The following COMMD1 variants were observed in gnomAD, a reference collection of about 807,000 sequenced individuals.
COMMD1 encodes the protein COMM domain-containing protein 1.
In COMMD1, 10 loss-of-function variants were observed where a neutral mutation model predicts 17.2. The observed-to-expected ratio is 0.58, with a 90% CI of 0.36 to 0.99. The LOEUF is 0.99. COMMD1 is among the 50% of genes least tolerant of loss of function. COMMD1 has a pLI of 0.01. For missense variants in COMMD1, 270 were observed against 231.8 expected (o/e 1.17, Z -1.07); for synonymous variants, 97 against 91.6 (o/e 1.06, Z -0.34).
At chr2:61,953,297 G>A (rs1572996918) in intron 1 of COMMD1, among the ~76,000 whole-genome samples, 1 of 152,000 alleles carries the variant, frequency 6.6e-6, no homozygotes, top group Admixed American at 6.6e-5. Flanking sequence ...ACAGGTGTGA[G>A]CCACCATACC....
chr2:62,051,483 T>G (rs1227318410), intron 2 of COMMD1, among the ~76,000 whole-genome samples: 2 of 152,230 alleles, frequency 1.3e-5, no homozygotes, highest in Non-Finnish European at 2.9e-5. Context: ...GAAAGGTCAG[T>G]GACTGATGAC....
intron 1 of COMMD1, among the ~76,000 whole-genome samples, chr2:61,925,935 G>A (rs535345526): frequency 6.6e-6 from 1 of 152,108 alleles, no homozygotes; most frequent in South Asian, 2.1e-4. Flanking sequence ...AATGCCAATT[G>A]CAGAGTTAGT....
intron 1 of COMMD1, among the ~76,000 whole-genome samples, chr2:61,982,810 T>G (rs922623193): frequency 1.3e-5 from 2 of 152,230 alleles, no homozygotes; most frequent in African/African-American, 2.4e-5. Flanking sequence ...TCTGTTGATG[T>G]GATGTTTCAC....
chr2:61,909,665 T>C (rs1669856259), intron 1 of COMMD1, among the ~76,000 whole-genome samples: 1 of 152,190 alleles, frequency 6.6e-6, no homozygotes, highest in South Asian at 2.1e-4. Context: ...AGGATGTACA[T>C]TTTTCATATA....
chr2:62,056,891 A>G (rs1400782384), intron 2 of COMMD1, among the ~76,000 whole-genome samples: 1 of 152,204 alleles, frequency 6.6e-6, no homozygotes, highest in Non-Finnish European at 1.5e-5. Flanking sequence ...TCAAATCTCC[A>G]TACATTCTGG....
At chr2:61,937,666 G>A (rs1670638478) in intron 1 of COMMD1, among the ~76,000 whole-genome samples, 1 of 152,166 alleles carries the variant, frequency 6.6e-6, no homozygotes, top group Non-Finnish European at 1.5e-5. Flanking sequence ...GCTACGCATT[G>A]AGCCATAGCT....
chr2:61,927,389 TTTTG>T (rs762507138), intron 1 of COMMD1, among the ~76,000 whole-genome samples: 8 of 152,230 alleles, frequency 5.3e-5, no homozygotes, highest in Middle Eastern at 3.4e-3. Flanking sequence ...TGACTCCATT[TTTTG>T]TTTGTTTGTT....
chr2:62,056,318 C>T (rs564273905), intron 2 of COMMD1, among the ~76,000 whole-genome samples: 2 of 152,330 alleles, frequency 1.3e-5, no homozygotes, highest in African/African-American at 4.8e-5. Flanking sequence ...AGAGCACACA[C>T]ATCTTCTCTT....
intron 2 of COMMD1, among the ~76,000 whole-genome samples, chr2:62,029,920 AT>A (rs1471888403): frequency 6.6e-6 from 1 of 152,258 alleles, no homozygotes; most frequent in African/African-American, 2.4e-5. Flanking sequence ...AGGCATACAC[AT>A]TTGTTTAACG....
intron 2 of COMMD1, among the ~76,000 whole-genome samples, chr2:62,006,262 G>A (rs1384955819): frequency 6.7e-6 from 1 of 150,034 alleles, no homozygotes; most frequent in Non-Finnish European, 1.5e-5. Flanking sequence ...CAAGATAATG[G>A]GTGCAGCACA....
At chr2:61,945,085 A>G (rs1670872347) in intron 1 of COMMD1, among the ~76,000 whole-genome samples, 1 of 152,202 alleles carries the variant, frequency 6.6e-6, no homozygotes, top group Non-Finnish European at 1.5e-5. Flanking sequence ...AACAACAACA[A>G]AAACCCAACA....
chr2:62,083,983 T>G (rs1300337526), intron 2 of COMMD1, among the ~76,000 whole-genome samples: 1 of 152,206 alleles, frequency 6.6e-6, no homozygotes, highest in Non-Finnish European at 1.5e-5. Context: ...AATTCTGGCT[T>G]CTAAAAAATT....
chr2:61,958,412 A>C (rs1671250963), intron 1 of COMMD1, among the ~76,000 whole-genome samples: 1 of 151,974 alleles, frequency 6.6e-6, no homozygotes, highest in Non-Finnish European at 1.5e-5. Context: ...GATTACAGGC[A>C]TGTGCCATCA....
intron 2 of COMMD1, chr2:62,055,372 C>CT (rs1670665191): frequency 6.6e-6 from 3 of 455,236 alleles, no homozygotes; most frequent in South Asian, 1.6e-5. Flanking sequence ...GCAGAAGACT[C>CT]TAAGACTGCC....
intron 2 of COMMD1, among the ~76,000 whole-genome samples, chr2:62,045,415 AC>A (rs1281187161): frequency 6.6e-6 from 1 of 152,164 alleles, no homozygotes; most frequent in Non-Finnish European, 1.5e-5. Flanking sequence ...TAGAAACTAT[AC>A]CTATATCTTA....
chr2:62,064,197 C>T (rs1405341374), intron 2 of COMMD1, among the ~76,000 whole-genome samples: 4 of 151,888 alleles, frequency 2.6e-5, no homozygotes, highest in Non-Finnish European at 5.9e-5. Flanking sequence ...TATTTTGAGA[C>T]AGAGTTTCAC....
intron 2 of COMMD1, among the ~76,000 whole-genome samples, chr2:62,040,744 T>C (rs1458325134): frequency 1.3e-5 from 2 of 151,990 alleles, no homozygotes; most frequent in Non-Finnish European, 2.9e-5. Context: ...ACAGTCTTGC[T>C]CTGTCACCCA....
intron 2 of COMMD1, among the ~76,000 whole-genome samples, chr2:62,099,865 G>A (rs571210605): frequency 6.6e-6 from 1 of 152,106 alleles, no homozygotes; most frequent in South Asian, 2.1e-4. Context: ...ACTCCCACGA[G>A]GCCCCTGGTC....
intron 1 of COMMD1, among the ~76,000 whole-genome samples, chr2:61,923,541 G>A (rs1325450011): frequency 6.6e-6 from 1 of 151,866 alleles, no homozygotes; most frequent in Non-Finnish European, 1.5e-5. Flanking sequence ...AGCAGAATAA[G>A]GGGTTCTATA....
Sources: allele counts gnomAD v4.1 joint callset (sites outside exome capture counted in the v4.1 genomes callset), GRCh38; gene constraint gnomAD v4.1.1; transcripts MANE v1.5; gene names NCBI Gene and HGNC (gene_info 2026-07-23, HGNC 2026-07-21).